The following NAV2 variants were observed in gnomAD, a reference collection of about 807,000 sequenced individuals.
NAV2 encodes helicase, APC down-regulated 1.
NAV2 carries 54 observed loss-of-function variants against 223.2 expected under a neutral mutation model. The observed-to-expected ratio is 0.24, with a 90% CI of 0.19 to 0.30. The LOEUF is 0.30. NAV2 is among the 10% of genes least tolerant of loss of function. The pLI, the probability that NAV2 is intolerant of heterozygous loss-of-function variation, is 1.00. For synonymous variants in NAV2, 1,279 were observed against 1,239.3 expected (o/e 1.03, Z -0.67); for missense variants, 2,806 against 3,147.5 (o/e 0.89, Z 2.60).
Position 19,354,144 on chromosome 11 carries a change from G to T in NAV2, c.75+3117G>T, listed in dbSNP as rs147837157. On this transcript the variant is annotated intron_variant, in intron 1 of 37. Coordinates refer to the NAV2 transcript ENST00000360655. The stretch of plus-strand genomic sequence containing the variant: ...ATAATTCCAGTATTCATCTATTCAA[G>T]AAGTATTTATGAAGTGCCTCCTTGT... Among the ~76,000 whole-genome samples, 219 of 152,302 alleles carry T rather than the reference G, an allele frequency of 1.4e-3. 1 individual carries two copies. The highest frequency in any genetic ancestry group is 6.8e-3 in the Middle Eastern group (2 of 294).
rs2061825868 is a variant in NAV2 at position 20,103,873 on chromosome 11, T to C, written c.6644+149T>C. Reference sequence around the variant, plus strand: ...TCAGCTTAATCCATTTAATTTTAACTTCAGCCTCAAGTAATTACATTCACC... The same window carrying C: ...TCAGCTTAATCCATTTAATTTTAACCTCAGCCTCAAGTAATTACATTCACC... On this transcript the variant is annotated intron_variant, in intron 34 of 37. Coordinates refer to ENST00000349880, the MANE Select transcript of NAV2 (RefSeq NM_145117.5). 6 of 741,844 alleles carry C rather than the reference T, an allele frequency of 8.1e-6. No individual in the cohort carries two copies. The East Asian group carries it at 1.3e-4, about 16-fold the overall frequency. 46.0% of individuals were successfully genotyped at this position (741,844 alleles called of 1,614,324 possible).
At chr11:19,350,031 G>T (rs930818401), upstream of NAV2, among the ~76,000 whole-genome samples, 2 of 151,878 alleles carry the variant, frequency 1.3e-5, no homozygotes. Flanking sequence ...TTGATGCTTT[G>T]TGCTTCACAG....
At chr11:19,517,057 A>AT (rs1384617638) in intron 1 of NAV2, among the ~76,000 whole-genome samples, 1 of 151,848 alleles carries the variant, frequency 6.6e-6, no homozygotes, top group Non-Finnish European at 1.5e-5. Context: ...AAAAAAAAAA[A>AT]ATAATAATAC....
Position 19,896,460 on chromosome 11 carries a change from TTAAA to T in NAV2, c.931+3870_931+3873del, listed in dbSNP as rs1017350400. 6.4e-4 allele frequency among the ~76,000 whole-genome samples: 97 copies of T among 152,192 alleles called. 1 individual carries two copies. The highest frequency in any genetic ancestry group is 2.2e-3 in the African/African-American group (93 of 41,466). ...TGTATGGGACAGAGCTACTGAAGAA[TTAAA>T]TAATTACTTATAAAGCACTTTACTG... On this transcript the variant is annotated intron_variant, in intron 6 of 37. Coordinates refer to ENST00000349880, the MANE Select transcript of NAV2 (RefSeq NM_145117.5).
intron 23 of NAV2, 115 bp downstream of exon 23, chr11:20,077,750 A>G: frequency 2.2e-6 from 2 of 895,330 alleles, no homozygotes; most frequent in South Asian, 3.1e-5. Context: ...TTGAACTGTT[A>G]AAGTTTAATT....
In NAV2 at chr11:19,787,411, C is replaced by T. The variant is rs542218304; in HGVS notation, c.268-45073C>T. Among the ~76,000 whole-genome samples the T allele has an allele frequency of 2.2e-4, 34 of 151,546 alleles. No homozygotes were observed. The South Asian group carries it at 5.0e-3, about 22-fold the overall frequency. ...GATTACAGACGTGAACCACTGCACCCGGTAGAGTGCTGCATTCTAAAGCAG... is the reference window on the plus strand; with the variant it reads ...GATTACAGACGTGAACCACTGCACCTGGTAGAGTGCTGCATTCTAAAGCAG... On this transcript the variant is annotated intron_variant, in intron 1 of 37. Coordinates refer to ENST00000349880, the MANE Select transcript of NAV2 (RefSeq NM_145117.5).
At chr11:19,788,234 A>C (rs570989635) in intron 1 of NAV2, among the ~76,000 whole-genome samples, 1 of 152,222 alleles carries the variant, frequency 6.6e-6, no homozygotes, top group South Asian at 2.1e-4. Context: ...ACCCATTGTA[A>C]AATGTTTAGT....
chr11:19,750,631 G>A (rs774536166), intron 1 of NAV2, among the ~76,000 whole-genome samples: 1 of 152,182 alleles, frequency 6.6e-6, no homozygotes, highest in Non-Finnish European at 1.5e-5. Flanking sequence ...AGAATGTCCC[G>A]TGTGGAAGGG....
At chr11:20,058,003 C>T (rs1474124584) in intron 19 of NAV2, among the ~76,000 whole-genome samples, 1 of 152,222 alleles carries the variant, frequency 6.6e-6, no homozygotes, top group Non-Finnish European at 1.5e-5. Flanking sequence ...TGTCAATACA[C>T]TGTGAATACA....
chr11:19,834,035 C>T (rs1292536271), intron 2 of NAV2, among the ~76,000 whole-genome samples: 1 of 152,184 alleles, frequency 6.6e-6, no homozygotes, highest in Non-Finnish European at 1.5e-5. Context: ...ACCAGCTTTG[C>T]AATAGTCTAT....
intron 1 of NAV2, among the ~76,000 whole-genome samples, chr11:19,628,958 C>A (rs2047259099): frequency 6.6e-6 from 1 of 152,202 alleles, no homozygotes; most frequent in South Asian, 2.1e-4. Context: ...GCTGCAAGCA[C>A]CTGAGACTAC....
intron 1 of NAV2, among the ~76,000 whole-genome samples, chr11:19,514,447 C>G (rs1297080749): frequency 6.6e-6 from 1 of 152,220 alleles, no homozygotes; most frequent in Non-Finnish European, 1.5e-5. Flanking sequence ...ATCAACTCCT[C>G]AACCCAATTC....
At chr11:19,767,707 C>T (rs2055343191) in intron 1 of NAV2, among the ~76,000 whole-genome samples, 1 of 152,240 alleles carries the variant, frequency 6.6e-6, no homozygotes, top group African/African-American at 2.4e-5. Context: ...TCTGCATGTG[C>T]AGATGAGCGA....
At chr11:19,898,034 C>T (rs939412306) in intron 6 of NAV2, among the ~76,000 whole-genome samples, 3 of 151,876 alleles carry the variant, frequency 2.0e-5, no homozygotes, top group Middle Eastern at 6.8e-3. Flanking sequence ...TGTGATATTA[C>T]GTGTTTTCTC....
intron 11 of NAV2, among the ~76,000 whole-genome samples, chr11:20,017,310 C>A (rs1409172532): frequency 6.6e-6 from 1 of 152,212 alleles, no homozygotes; most frequent in Non-Finnish European, 1.5e-5. Context: ...GCACACCCAG[C>A]CTCTCCCTCT....
chr11:19,616,918 CTCA>C (rs2046813955), intron 1 of NAV2, among the ~76,000 whole-genome samples: 1 of 152,020 alleles, frequency 6.6e-6, no homozygotes, highest in Admixed American at 6.6e-5. Context: ...TTGCCATGTA[CTCA>C]TCATTTAATA....
At chr11:19,758,176 G>A (rs1401650411) in intron 1 of NAV2, among the ~76,000 whole-genome samples, 1 of 152,174 alleles carries the variant, frequency 6.6e-6, no homozygotes, top group Admixed American at 6.5e-5. Context: ...TCTATTTGAG[G>A]CACTGGGACA....
At position 19,436,524 on chromosome 11, in the gene NAV2, GT is replaced by G. The variant is rs1216777680; in HGVS notation, c.75+85505del. Among the ~76,000 whole-genome samples, 3 of 151,652 alleles carry G rather than the reference GT, an allele frequency of 2.0e-5. No individual in the cohort carries two copies. The East Asian group carries it at 5.8e-4, about 29-fold the overall frequency. ...TTGTAGTGTGATGCCACCAAGCTTT[GT>G]TTTTTTTCCTTTGGTCAATATTGCT... On this transcript the variant is annotated intron_variant, in intron 1 of 37. Coordinates refer to the NAV2 transcript ENST00000360655.
At chr11:19,415,121 C>A (rs1163224299) in intron 1 of NAV2, among the ~76,000 whole-genome samples, 1 of 151,968 alleles carries the variant, frequency 6.6e-6, no homozygotes, top group Non-Finnish European at 1.5e-5. Context: ...GAGATAGAGA[C>A]ACGAAAAACC....
Sources: gnomAD v4.1 joint callset for allele counts (sites outside exome capture counted in the v4.1 genomes callset) on GRCh38, gnomAD v4.1.1 for gene constraint, MANE v1.5 for transcripts, NCBI Gene and HGNC (gene_info 2026-07-23, HGNC 2026-07-21) for gene names.